The following NTRK2 variants were observed in gnomAD, a reference collection of about 807,000 sequenced individuals.
NTRK2 encodes the protein BDNF/NT-3 growth factors receptor.
NTRK2 carries 13 observed loss-of-function variants against 94.5 expected under a neutral mutation model. The ratio of observed to expected loss-of-function variants is 0.14; its 90% CI spans 0.09 to 0.22. The LOEUF (loss-of-function observed/expected upper bound fraction) is 0.22, where lower values mean the gene tolerates loss of function less well. Ranked by LOEUF, NTRK2 falls within the 10% of genes least tolerant of loss-of-function variation. The pLI is 1.00. For missense variants in NTRK2, 639 were observed against 1,071.2 expected (o/e 0.60, Z 5.63); for synonymous variants, 372 against 407.4 (o/e 0.91, Z 1.05).
chr9:84,843,737 G>C (rs1361947568), intron 12 of NTRK2, among the ~76,000 whole-genome samples: 1 of 152,182 alleles, frequency 6.6e-6, no homozygotes, highest in Non-Finnish European at 1.5e-5. Context: ...AGAATAAAGA[G>C]TTGAAAAACT....
intron 14 of NTRK2, chr9:84,873,873 A>G (rs202115552): frequency 9.4e-6 from 10 of 1,060,814 alleles, no homozygotes; most frequent in African/African-American, 3.3e-5. Flanking sequence ...AAGAAAAACA[A>G]AAATAAAGAT....
chr9:84,846,879 A>G (rs775323899), intron 12 of NTRK2, among the ~76,000 whole-genome samples: 3 of 152,204 alleles, frequency 2.0e-5, no homozygotes, highest in Admixed American at 6.5e-5. Flanking sequence ...TGGAGCTGCA[A>G]ATGCTCATTT....
chr9:84,773,561 T>G (rs2066756102), intron 12 of NTRK2, among the ~76,000 whole-genome samples: 1 of 152,156 alleles, frequency 6.6e-6, no homozygotes, highest in Non-Finnish European at 1.5e-5. Context: ...AAGTAGTAGG[T>G]TCTCCTCTCT....
In NTRK2 at chr9:84,755,622, A is replaced by C. The variant is rs555309221; in HGVS notation, c.1396+3537A>C. Among the ~76,000 whole-genome samples, 192 of 132,636 alleles carry C rather than the reference A, an allele frequency of 1.4e-3. 1 individual carries two copies. The highest frequency in any genetic ancestry group is 2.4e-3 in the Non-Finnish European group (155 of 65,286). 87.0% of individuals were successfully genotyped at this position (132,636 alleles called of 152,430 possible). A position where few individuals can be genotyped will look rare whatever the true frequency, so the allele number is the denominator to read the frequency against. ...GTCCCGGTTTTGTCTCAGGGTATGT[A>C]GGTTTTCACACACTGTTTTCAACAA... On this transcript the variant is annotated intron_variant, in intron 12 of 18. Transcript: ENST00000277120.
chr9:84,901,199 G>GTTTCATTTTA (rs2076917198), intron 14 of NTRK2, among the ~76,000 whole-genome samples: 1 of 131,566 alleles, frequency 7.6e-6, no homozygotes, highest in African/African-American at 2.9e-5. Context: ...GTTTTGTTTT[G>GTTTCATTTTA]TTTTGTTTTA....
Position 84,744,998 on chromosome 9 carries a change from C to T in NTRK2, c.1221C>T (p.Ile407=), listed in dbSNP as rs995505816. 8.7e-6 allele frequency: 14 copies of T among 1,613,656 alleles called. No homozygotes were observed. Among genetic ancestry groups the T allele is most frequent in the South Asian group, 2.2e-5 (2 of 91,064 alleles). The part of the protein sequence containing the change: ...YEDYGTAAND[I]GDTTNRSNEI... ...ATTATGGAACTGCAGCGAATGACAT[C>T]GGGGACACCACGAACAGAAGTAATG... is the stretch of plus-strand genomic sequence containing the variant. The change falls in exon 11 of 19, where the codon ATC becomes ATT. Residue 407 remains isoleucine, a synonymous_variant. Transcript: ENST00000277120.
At chr9:84,948,394 A>T (rs2132878190) in intron 15 of NTRK2, 68 bp from the exon 16 acceptor site, 5 of 1,484,118 alleles carry the variant, frequency 3.4e-6, no homozygotes, top group Non-Finnish European at 3.7e-6. Flanking sequence ...AATGAGATGG[A>T]TGTCTTTCCT....
chr9:84,948,825 GA>G (rs1161596348), intron 16 of NTRK2, among the ~76,000 whole-genome samples, 191 bp downstream of exon 16: 3 of 152,184 alleles, frequency 2.0e-5, no homozygotes, highest in African/African-American at 7.2e-5. Flanking sequence ...TTTCCTTAAT[GA>G]ATTCTATGTA....
intron 17 of NTRK2, among the ~76,000 whole-genome samples, chr9:85,012,082 AG>A (rs1831668876): frequency 6.6e-6 from 1 of 151,494 alleles, no homozygotes. Flanking sequence ...TCCGCCTCCC[AG>A]GTTCAAGCGA....
chr9:84,929,545 A>G (rs985899104), intron 14 of NTRK2, among the ~76,000 whole-genome samples: 2 of 149,590 alleles, frequency 1.3e-5, no homozygotes, highest in Non-Finnish European at 3.0e-5. Context: ...GAAGTCATTC[A>G]TGGTAGAGTT....
chr9:84,924,291 G>T (rs2132614853), intron 14 of NTRK2, among the ~76,000 whole-genome samples: 1 of 145,510 alleles, frequency 6.9e-6, no homozygotes, highest in African/African-American at 2.5e-5. Context: ...AAGAAAGAAA[G>T]AAAGAGGAAA....
intron 12 of NTRK2, among the ~76,000 whole-genome samples, chr9:84,798,001 T>C (rs1430451109): frequency 6.7e-6 from 1 of 149,048 alleles, no homozygotes; most frequent in African/African-American, 2.5e-5. Flanking sequence ...CCATTGGGAC[T>C]GTCTTAGTCT....
chr9:84,877,418 TTGAG>T (rs2076107239), intron 14 of NTRK2: 2 of 1,065,992 alleles, frequency 1.9e-6, no homozygotes, highest in South Asian at 9.1e-5. Context: ...AGAGGGGACT[TTGAG>T]TGGGTGGGTA....
intron 12 of NTRK2, among the ~76,000 whole-genome samples, chr9:84,841,276 G>A (rs2074168218): frequency 6.6e-6 from 1 of 152,116 alleles, no homozygotes; most frequent in Non-Finnish European, 1.5e-5. Flanking sequence ...GACCAACACA[G>A]AGCGCTGAGC....
intron 14 of NTRK2, chr9:84,875,680 T>C: frequency 1.9e-6 from 2 of 1,054,528 alleles, no homozygotes; most frequent in South Asian, 4.6e-5. Context: ...CTCTGATAGC[T>C]GGAGTCTCCT....
intron 11 of NTRK2, among the ~76,000 whole-genome samples, chr9:84,751,464 C>A (rs562668778): frequency 6.6e-6 from 1 of 152,102 alleles, no homozygotes; most frequent in South Asian, 2.1e-4. Context: ...ACCTGTAGTC[C>A]TAGCTACTCA....
At position 84,861,086 on chromosome 9, in the gene NTRK2, T is replaced by C; in HGVS notation, c.1443T>C (p.Val481=). 6.2e-7 allele frequency: 1 copy of C among 1,611,514 alleles called. No individual in the cohort carries two copies. Among genetic ancestry groups the C allele is most frequent in the Non-Finnish European group, 8.5e-7 (1 of 1,177,906 alleles). ...GFGKVKSRQG[V]GPASVISNDD... ...GGAAAGTAAAATCAAGACAAGGTGT[T>C]GGTAAGTAGTTAACTCACTCCTTCT... Residue 481 remains valine, a splice_region_variant and synonymous_variant, in exon 13 of 19, where the codon GTT becomes GTC. Coordinates refer to ENST00000277120, the MANE Select transcript of NTRK2 (RefSeq NM_006180.6).
chr9:84,674,104 A>G (rs934330443), intron 2 of NTRK2, among the ~76,000 whole-genome samples: 14 of 137,854 alleles, frequency 1.0e-4, no homozygotes, highest in African/African-American at 3.5e-4. Context: ...GAAGTCGTGC[A>G]TTTTTTTAGC....
intron 17 of NTRK2, among the ~76,000 whole-genome samples, chr9:85,000,037 C>T (rs1038691222): frequency 5.3e-5 from 8 of 152,136 alleles, no homozygotes; most frequent in Non-Finnish European, 1.0e-4. Context: ...GAGAGGAACC[C>T]GAGACACAGC....
Sources: allele counts gnomAD v4.1 joint callset (sites outside exome capture counted in the v4.1 genomes callset), GRCh38; gene constraint gnomAD v4.1.1; transcripts MANE v1.5; gene names NCBI Gene and HGNC (gene_info 2026-07-23, HGNC 2026-07-21).